The following RBFOX2 variants were observed in gnomAD, a reference collection of about 807,000 sequenced individuals.
RBFOX2 encodes the protein RNA binding protein fox-1 homolog 2.
A neutral mutation model predicts 49.1 loss-of-function variants in RBFOX2; 10 were observed. The observed-to-expected ratio is 0.20, with a 90% confidence interval of 0.13 to 0.35. RBFOX2 has a LOEUF of 0.35. Ranked by LOEUF, RBFOX2 falls within the 10% of genes least tolerant of loss-of-function variation. The pLI is 1.00. For synonymous variants in RBFOX2, 183 were observed against 187.4 expected (o/e 0.98, Z 0.19); for missense variants, 323 against 486.9 (o/e 0.66, Z 3.17).
Position 36,028,702 on chromosome 22 carries a change from C to T in RBFOX2, c.-277G>A, listed in dbSNP as rs1205570731. ...ACTCGCTCGCGCCCCCGCACGCACA[C>T]GCGAAACCCGGCCCGGCCCGCCGCG... On this transcript the variant is annotated 5_prime_UTR_variant, in exon 1 of 14. In the 5' UTR this introduces an upstream ATG that the reference lacks. Transcript: ENST00000438146. Among the ~76,000 whole-genome samples, 3 of 150,964 alleles carry T rather than the reference C, an allele frequency of 2.0e-5. No homozygotes were observed. Among genetic ancestry groups the T allele is most frequent in the Admixed American group, 6.6e-5 (1 of 15,200 alleles).
At position 36,006,634 on chromosome 22, in the gene RBFOX2, A is replaced by C. The variant is rs1397777733; in HGVS notation, c.186+21606T>G. Among the ~76,000 whole-genome samples the C allele has an allele frequency of 4.6e-5, 7 of 152,204 alleles. No homozygotes were observed. In the South Asian group the frequency reaches 1.4e-3, roughly 31 times the overall value. ...AGAACAGCAGTGTGCGGATGAACTA[A>C]CTACCAACGACACTTTGGGCAAATC... On this transcript the variant is annotated intron_variant, in intron 1 of 13. Coordinates refer to the RBFOX2 transcript ENST00000438146.
chr22:35,753,765 AC>A (rs1935841597), intron 9 of RBFOX2, among the ~76,000 whole-genome samples: 1 of 147,368 alleles, frequency 6.8e-6, no homozygotes. Flanking sequence ...TTTGAAGTAG[AC>A]AAGTCTTTTT....
chr22:35,956,447 C>T (rs952419055), intron 1 of RBFOX2, among the ~76,000 whole-genome samples: 4 of 151,998 alleles, frequency 2.6e-5, no homozygotes, highest in African/African-American at 9.7e-5. Flanking sequence ...CAGCAACCTC[C>T]ACCTCCTGGG....
intron 1 of RBFOX2, among the ~76,000 whole-genome samples, chr22:36,020,468 A>C (rs981329719): frequency 7.9e-5 from 12 of 152,238 alleles, no homozygotes; most frequent in Admixed American, 5.2e-4. Flanking sequence ...GGCAACCTAC[A>C]GAATGGGAGA....
chr22:35,758,524 G>C (rs913460457), intron 9 of RBFOX2, among the ~76,000 whole-genome samples: 2 of 152,156 alleles, frequency 1.3e-5, no homozygotes, highest in Non-Finnish European at 2.9e-5. Flanking sequence ...TTTCATTTGA[G>C]TATTTCTTGA....
rs757941522 is a variant in RBFOX2, at chr22:35,972,400, G to T, written c.187-33503C>A. Among the ~76,000 whole-genome samples the T allele has an allele frequency of 3.4e-5, 5 of 148,816 alleles. No homozygotes were observed. The East Asian group carries it at 7.8e-4, about 23-fold the overall frequency. Reference sequence around the variant, plus strand: ...ATCCTAAGTCAAACCGCTTATATTCGTTTCTGTAAAATTGATTTTTACTAA... The same window carrying T: ...ATCCTAAGTCAAACCGCTTATATTCTTTTCTGTAAAATTGATTTTTACTAA... On this transcript the variant is annotated intron_variant, in intron 1 of 13. Coordinates refer to the RBFOX2 transcript ENST00000438146.
At chr22:35,840,615 CGTGTGTGCGT>C (rs1285152786), upstream of RBFOX2, 10 of 1,081,486 alleles carry the variant, frequency 9.2e-6, no homozygotes, top group East Asian at 6.1e-4. Context: ...TGTGCGCACG[CGTGTGTGCGT>C]GTGTGCGTGT....
chr22:36,024,511 G>A (rs947493140), intron 1 of RBFOX2, among the ~76,000 whole-genome samples: 7 of 152,050 alleles, frequency 4.6e-5, no homozygotes, highest in South Asian at 2.1e-4. Context: ...GGAGGCCAAC[G>A]CAGGCGATCA....
intron 1 of RBFOX2, among the ~76,000 whole-genome samples, chr22:35,855,102 T>C (rs2042362166): frequency 6.6e-6 from 1 of 152,146 alleles, no homozygotes; most frequent in Non-Finnish European, 1.5e-5. Flanking sequence ...ATGAAAATAT[T>C]TTCAACTCAG....
chr22:35,963,753 T>C (rs2056398283), upstream of RBFOX2, among the ~76,000 whole-genome samples: 1 of 152,176 alleles, frequency 6.6e-6, no homozygotes, highest in African/African-American at 2.4e-5. Flanking sequence ...GTTGTTGTTG[T>C]TGTTGTTTTT....
chr22:35,787,737 CATT>C (rs1356810524), intron 2 of RBFOX2, among the ~76,000 whole-genome samples: 4 of 152,192 alleles, frequency 2.6e-5, no homozygotes, highest in Admixed American at 1.3e-4. Flanking sequence ...CACTGGTCTG[CATT>C]ATTTTCTCTT....
exon 1 of RBFOX2, among the ~76,000 whole-genome samples, chr22:36,028,702 C>G (rs1205570731): frequency 6.6e-6 from 1 of 150,964 alleles, no homozygotes; most frequent in African/African-American, 2.4e-5. Flanking sequence ...CGCACGCACA[C>G]GCGAAACCCG....
At position 36,028,277 on chromosome 22, in the gene RBFOX2, G is replaced by C. The variant is rs963836945; in HGVS notation, c.149C>G (p.Thr50Ser). 2 of 1,534,272 alleles carry C rather than the reference G, an allele frequency of 1.3e-6. No individual in the cohort carries two copies. The highest frequency in any genetic ancestry group is 1.4e-5 in the African/African-American group (1 of 69,898). Residue 50 changes from threonine (T) to serine (S), a missense_variant, in exon 1 of 14, where the codon ACT (threonine) becomes AGT (serine). Coordinates refer to the RBFOX2 transcript ENST00000438146. ...GCCACCGTCGGCCGCCGCCTCCTCA[G>C]TGCGCGGCCGCTTGCTCAGGCCGGG...
intron 1 of RBFOX2, among the ~76,000 whole-genome samples, chr22:35,978,653 A>G (rs1285555616): frequency 3.9e-5 from 6 of 152,236 alleles, no homozygotes; most frequent in African/African-American, 1.2e-4. Context: ...ACCAGCATAA[A>G]GCAGGTCCCA....
intron 2 of RBFOX2, among the ~76,000 whole-genome samples, chr22:35,792,388 A>ACTAT (rs1039918436): frequency 6.6e-6 from 1 of 151,650 alleles, no homozygotes; most frequent in Non-Finnish European, 1.5e-5. Flanking sequence ...AAATTAGGCA[A>ACTAT]CTATTAACAA....
intron 1 of RBFOX2, among the ~76,000 whole-genome samples, chr22:35,922,739 T>G: frequency 6.6e-6 from 1 of 152,176 alleles, no homozygotes. Context: ...AAAAATTATA[T>G]GAAATTAAAA....
At chr22:35,915,947 G>A (rs1015960450) in intron 1 of RBFOX2, among the ~76,000 whole-genome samples, 1 of 152,154 alleles carries the variant, frequency 6.6e-6, no homozygotes, top group African/African-American at 2.4e-5. Context: ...CAGAGGCTCC[G>A]TATGCCTCCT....
chr22:35,877,174 A>T (rs2045232500), intron 1 of RBFOX2, among the ~76,000 whole-genome samples: 1 of 152,214 alleles, frequency 6.6e-6, no homozygotes. Context: ...TTTTTATTTG[A>T]TAATGAAACA....
chr22:35,921,318 G>A (rs1284018104), intron 1 of RBFOX2, among the ~76,000 whole-genome samples: 2 of 152,182 alleles, frequency 1.3e-5, no homozygotes, highest in Admixed American at 6.5e-5. Flanking sequence ...CTCAAGTTGA[G>A]TGTGTATAAG....
Sources: allele counts gnomAD v4.1 joint callset (sites outside exome capture counted in the v4.1 genomes callset), GRCh38; gene constraint gnomAD v4.1.1; transcripts MANE v1.5; gene names NCBI Gene and HGNC (gene_info 2026-07-23, HGNC 2026-07-21).